The following TECTA variants were observed in gnomAD, a reference collection of about 807,000 sequenced individuals.
TECTA encodes the protein alpha-tectorin.
In TECTA, 128 loss-of-function variants were observed where a neutral mutation model predicts 216.8. The observed-to-expected ratio is 0.59, with a 90% confidence interval of 0.51 to 0.68. The LOEUF is 0.68. Ranked by LOEUF, TECTA falls within the 30% of genes least tolerant of loss-of-function variation. TECTA has a pLI of 0.00. For synonymous variants in TECTA, 1,089 were observed against 1,117.1 expected, an observed-to-expected ratio of 0.97 and a Z score of 0.50; for missense variants, 2,551 against 2,786.2, an observed-to-expected ratio of 0.92 and a Z score of 1.90.
chr11:121,166,409 G>C (rs943128995), intron 17 of TECTA, among the ~76,000 whole-genome samples, 169 bp from the exon 18 acceptor site: 1 of 152,214 alleles, frequency 6.6e-6, no homozygotes, highest in Non-Finnish European at 1.5e-5. Flanking sequence ...TGCTTTGAAT[G>C]AATTCATATG....
intron 12 of TECTA, among the ~76,000 whole-genome samples, chr11:121,148,018 A>G (rs920989198): frequency 6.6e-6 from 1 of 152,162 alleles, no homozygotes; most frequent in Admixed American, 6.5e-5. Flanking sequence ...GCTAGGGACA[A>G]AGAGTAAGAA....
intron 7 of TECTA, among the ~76,000 whole-genome samples, chr11:121,121,585 GA>G (rs200630167): frequency 8.6e-5 from 13 of 150,710 alleles, no homozygotes; most frequent in Middle Eastern, 3.4e-3. Flanking sequence ...ACTTATGCCA[GA>G]AAAAAAAAGG....
Position 121,137,279 on chromosome 11 carries a change from C to T in TECTA, c.2942-142C>T, listed in dbSNP as rs1946738604. The T allele has an allele frequency of 2.7e-6, 3 of 1,101,414 alleles. No individual in the cohort carries two copies. In the East Asian group the frequency reaches 7.1e-5, roughly 26 times the overall value. 68.2% of individuals were successfully genotyped at this position (1,101,414 alleles called of 1,614,324 possible). On this transcript the variant is annotated intron_variant, in intron 10 of 23. Coordinates refer to ENST00000392793, the MANE Select transcript of TECTA (RefSeq NM_005422.4). ...GCACACACACATGCATGCACAAATG[C>T]ATGCATACACAAATGCATGCATGCA... is the stretch of plus-strand genomic sequence containing the variant.
intron 20 of TECTA, among the ~76,000 whole-genome samples, chr11:121,171,452 T>G (rs1156770408): frequency 2.6e-5 from 4 of 152,286 alleles, no homozygotes; most frequent in Non-Finnish European, 5.9e-5. Context: ...TTTTTCTATT[T>G]CTGTGAAGAA....
At position 121,127,876 on chromosome 11, in the gene TECTA, C is replaced by T. The variant is rs1946629011; in HGVS notation, c.1899C>T (p.Cys633=). 9.9e-6 allele frequency: 16 copies of T among 1,614,086 alleles called. No individual in the cohort carries two copies. Among genetic ancestry groups the T allele is most frequent in the East Asian group, 4.5e-5 (2 of 44,886 alleles). The change falls in exon 9 of 24, where the codon TGC becomes TGT. Residue 633 remains cysteine, a synonymous_variant. Coordinates refer to ENST00000392793, the MANE Select transcript of TECTA (RefSeq NM_005422.4). The surrounding 1 kb of genome is among the most constrained non-coding windows in gnomAD (Gnocchi z 5.0). ...CATPCTEGCE[C]NQGFVLSTSQ... ...CGCCGTGCACAGAGGGCTGCGAGTGCAACCAGGGCTTCGTCCTCAGCACCA... is the reference window on the plus strand; with the variant it reads ...CGCCGTGCACAGAGGGCTGCGAGTGTAACCAGGGCTTCGTCCTCAGCACCA...
In TECTA at chr11:121,160,247, A is replaced by G. The variant is rs758272613; in HGVS notation, c.4802A>G (p.Asn1601Ser). 3.0e-5 allele frequency: 49 copies of G among 1,614,094 alleles called. No homozygotes were observed. The highest frequency in any genetic ancestry group is 1.6e-4 in the Middle Eastern group (1 of 6,084). ...DTSPDIQIYY[N>S]GFNVIKISIS... The stretch of plus-strand genomic sequence containing the variant: ...AGCCCAGACATCCAGATATACTACA[A>G]TGGTTTCAACGTCATTAAAATCAGC... Residue 1601 changes from asparagine to serine, a missense_variant, in exon 15 of 24, where the codon AAT becomes AGT. Physicochemically the swap from Asn to Ser is conservative, Grantham distance 46. Coordinates refer to ENST00000392793, the MANE Select transcript of TECTA (RefSeq NM_005422.4).
Position 121,157,987 on chromosome 11 carries a change from C to T in TECTA, c.4452C>T (p.Thr1484=). The T allele has an allele frequency of 2.5e-6, 4 of 1,613,354 alleles. No homozygotes were observed. The highest frequency in any genetic ancestry group is 3.4e-6 in the Non-Finnish European group (4 of 1,179,962). ...TGCGCGGCTGCTTCAGCACCAAGAC[C>T]TCCTACTGCCTGGCGGCCGGCGGCG... The part of the protein sequence containing the change: ...NGVRGCFSTK[T]SYCLAAGGGV... Residue 1484 remains threonine, a synonymous_variant, in exon 14 of 24, where the codon ACC becomes ACT. Transcript: ENST00000392793.
chr11:121,102,381 A>G (rs995823772), intron 1 of TECTA, among the ~76,000 whole-genome samples: 1 of 152,298 alleles, frequency 6.6e-6, no homozygotes, highest in East Asian at 1.9e-4. Flanking sequence ...CTTTACGCAT[A>G]CCACTCTCAC....
intron 9 of TECTA, 97 bp downstream of exon 9, chr11:121,128,441 T>A: frequency 8.6e-7 from 1 of 1,168,634 alleles, no homozygotes; most frequent in South Asian, 1.5e-5. Context: ...CCTCTGCCTA[T>A]GAGTGGATTT....
Position 121,113,870 on chromosome 11 carries a change from G to A in TECTA, c.790+152G>A. 2 of 984,636 alleles carry A rather than the reference G, an allele frequency of 2.0e-6. No homozygotes were observed. The highest frequency in any genetic ancestry group is 2.0e-5 in the Admixed American group (1 of 49,912). 61.0% of individuals were successfully genotyped at this position (984,636 alleles called of 1,614,324 possible). A position where few individuals can be genotyped will look rare whatever the true frequency, so the allele number is the denominator to read the frequency against. On this transcript the variant is annotated intron_variant, in intron 6 of 23. Transcript: ENST00000392793. This position sits in a 1 kb window ranked among gnomAD's most constrained non-coding sequence, Gnocchi z 4.2. ...ATGGAGATCAAGGTAATTTTAGCAT[G>A]TGCATTCATCACATCAGAAGCTAAA...
intron 10 of TECTA, among the ~76,000 whole-genome samples, chr11:121,135,833 G>A (rs1946720655): frequency 6.6e-6 from 1 of 152,178 alleles, no homozygotes. Flanking sequence ...ACTTGTAGGA[G>A]GCTTCTTCTG....
chr11:121,127,950 A>G lies in TECTA; in HGVS notation c.1973A>G (p.Tyr658Cys). Residue 658 changes from tyrosine (Y) to cysteine (C), a missense_variant, in exon 9 of 24, where the codon TAC becomes TGC. This residue lies in a region of TECTA where 2,375 missense variants were observed against 2,563.9 expected (regional missense o/e 0.93). Coordinates refer to ENST00000392793, the MANE Select transcript of TECTA (RefSeq NM_005422.4). This position sits in a 1 kb window ranked among gnomAD's most constrained non-coding sequence, Gnocchi z 5.0. ...HKCGCDFDGH[Y>C]YTMGEFFWAT... ...TGCGGCTGCGACTTCGACGGCCACTACTACACCATGGGGGAGTTCTTCTGG... is the reference window on the plus strand; with the variant it reads ...TGCGGCTGCGACTTCGACGGCCACTGCTACACCATGGGGGAGTTCTTCTGG... 2 of 1,614,152 alleles carry G rather than the reference A, an allele frequency of 1.2e-6. No homozygotes were observed. Among genetic ancestry groups the G allele is most frequent in the Non-Finnish European group, 1.7e-6 (2 of 1,180,022 alleles).
rs1367698246 is a variant in TECTA, at chr11:121,153,020, C to T, written c.4245C>T (p.Asn1415=). 3 of 1,614,192 alleles carry T rather than the reference C, an allele frequency of 1.9e-6. No homozygotes were observed. The highest frequency in any genetic ancestry group is 2.5e-6 in the Non-Finnish European group (3 of 1,180,036). The change falls in exon 13 of 24, where the codon AAC becomes AAT. Residue 1415 remains asparagine, a synonymous_variant. Transcript: ENST00000392793. ...ACTGCGACGCTGGCTACGTCCTCAA[C>T]GGCAAGAGCTGCATCCTGCCCCACA... ...GCHCDAGYVL[N]GKSCILPHSC...
intron 10 of TECTA, among the ~76,000 whole-genome samples, chr11:121,135,048 G>C (rs904302866): frequency 6.6e-6 from 1 of 152,186 alleles, no homozygotes; most frequent in Non-Finnish European, 1.5e-5. Flanking sequence ...ATGTCCCCCA[G>C]GATGTCTTAT....
chr11:121,128,277 G>A lies in TECTA; in HGVS notation c.2300G>A (p.Arg767Gln). The change falls in exon 9 of 24, where the codon CGG (arginine) becomes CAG (glutamine). Residue 767 changes from arginine (R) to glutamine (Q), a missense_variant. This residue lies in a region of TECTA where 2,375 missense variants were observed against 2,563.9 expected (regional missense o/e 0.93). Transcript: ENST00000392793. ...CCCGATGCAGGACCTGCTTGGCTGC[G>A]GGGACTTCGGATCCTGGTGGCCGAC... ...KKPDAGPAWL[R>Q]GLRILVADQE... is the part of the protein sequence containing the mutation. 5 of 1,599,786 alleles carry A rather than the reference G, an allele frequency of 3.1e-6. No individual in the cohort carries two copies. The highest frequency in any genetic ancestry group is 4.2e-6 in the Non-Finnish European group (5 of 1,179,954).
chr11:121,133,413 T>G (rs1335723380), intron 10 of TECTA, among the ~76,000 whole-genome samples: 1 of 152,222 alleles, frequency 6.6e-6, no homozygotes, highest in Non-Finnish European at 1.5e-5. Flanking sequence ...ATATTCCAAT[T>G]TTGTCAGTTG....
chr11:121,133,023 C>G (rs1183659179), intron 10 of TECTA, among the ~76,000 whole-genome samples: 2 of 152,160 alleles, frequency 1.3e-5, no homozygotes, highest in South Asian at 4.1e-4. Context: ...TGAGCCACCA[C>G]GCCCGGCCAG....
chr11:121,181,858 C>G (rs181101558), intron 20 of TECTA, among the ~76,000 whole-genome samples: 1 of 151,342 alleles, frequency 6.6e-6, no homozygotes, highest in East Asian at 1.9e-4. Flanking sequence ...ATAATAGTTG[C>G]TTCTCCAATT....
chr11:121,189,017 T>C, intron 21 of TECTA, 63 bp from the exon 22 acceptor site: 1 of 1,550,464 alleles, frequency 6.4e-7, no homozygotes, highest in Non-Finnish European at 8.9e-7. Flanking sequence ...AGGTGAAACA[T>C]GGTGAAGAAT....
Sources: gnomAD v4.1 joint callset for allele counts (sites outside exome capture counted in the v4.1 genomes callset) on GRCh38, gnomAD v4.1.1 for gene constraint, gnomAD v4.1.1 regional missense constraint, Gnocchi (gnomAD v3.1) non-coding constraint, MANE v1.5 for transcripts, NCBI Gene and HGNC (gene_info 2026-07-23, HGNC 2026-07-21) for gene names.